The following ANO3 variants were observed in gnomAD, a reference collection of about 807,000 sequenced individuals.
ANO3 encodes anoctamin-3.
Under a neutral mutation model 144.8 loss-of-function variants are expected in ANO3, and 99 were observed. That is an observed-to-expected ratio of 0.68 (90% CI 0.58 to 0.81). The LOEUF (loss-of-function observed/expected upper bound fraction) is 0.81, where lower values mean the gene tolerates loss of function less well. Ranked by LOEUF, ANO3 falls within the 30% of genes least tolerant of loss-of-function variation. The pLI, the probability that ANO3 is intolerant of heterozygous loss-of-function variation, is 0.00. For synonymous variants in ANO3, 414 were observed against 392.6 expected, an observed-to-expected ratio of 1.05 and a Z score of -0.64; for missense variants, 905 against 1,202.2, an observed-to-expected ratio of 0.75 and a Z score of 3.66.
At chr11:26,241,834 T>A (rs1852669736) in intron 1 of ANO3, among the ~76,000 whole-genome samples, 1 of 152,144 alleles carries the variant, frequency 6.6e-6, no homozygotes, top group Admixed American at 6.6e-5. Flanking sequence ...GTAATGAAGC[T>A]AGGTTTCCTA....
chr11:26,225,015 T>A (rs1852228907), intron 1 of ANO3, among the ~76,000 whole-genome samples: 1 of 152,182 alleles, frequency 6.6e-6, no homozygotes. Context: ...TAGTAACAAT[T>A]TTTAAATATT....
At chr11:26,234,404 C>A (rs554125731) in intron 1 of ANO3, among the ~76,000 whole-genome samples, 1 of 152,068 alleles carries the variant, frequency 6.6e-6, no homozygotes, top group Non-Finnish European at 1.5e-5. Flanking sequence ...GCACAAATTG[C>A]GACTTAGACA....
chr11:26,652,280 A>G (rs759845931), intron 24 of ANO3, among the ~76,000 whole-genome samples: 7 of 152,224 alleles, frequency 4.6e-5, no homozygotes, highest in Non-Finnish European at 1.0e-4. Context: ...GAAGTTTGTC[A>G]TAGCTTCTCC....
At chr11:26,645,113 G>A (rs1228020339) in intron 23 of ANO3, among the ~76,000 whole-genome samples, 2 of 151,870 alleles carry the variant, frequency 1.3e-5, no homozygotes, top group Non-Finnish European at 2.9e-5. Context: ...GTATTTGCTT[G>A]TTGTTTGCTG....
chr11:26,228,262 G>C (rs1338369130), intron 1 of ANO3, among the ~76,000 whole-genome samples: 2 of 152,106 alleles, frequency 1.3e-5, no homozygotes, highest in Non-Finnish European at 2.9e-5. Flanking sequence ...TCAAATTCCT[G>C]AACCAAACAC....
At chr11:26,231,186 C>CTTTTTGTA (rs1852390827) in intron 1 of ANO3, among the ~76,000 whole-genome samples, 1 of 152,098 alleles carries the variant, frequency 6.6e-6, no homozygotes, top group Admixed American at 6.6e-5. Flanking sequence ...CTGAAGTTTC[C>CTTTTTGTA]TTTTTGTATT....
intron 20 of ANO3, among the ~76,000 whole-genome samples, chr11:26,635,460 C>T (rs61878640): frequency 0.031 from 4,652 of 152,138 alleles, 100 homozygotes; most frequent in Non-Finnish European, 0.049. Context: ...ATAAAAGTAC[C>T]TGCCTAAGAC....
intron 14 of ANO3, among the ~76,000 whole-genome samples, chr11:26,574,114 A>AT (rs1311064540): frequency 1.1e-4 from 16 of 152,060 alleles, no homozygotes; most frequent in Non-Finnish European, 2.1e-4. Flanking sequence ...TGCTTGTATA[A>AT]TTTTTTTTGG....
intron 3 of ANO3, among the ~76,000 whole-genome samples, chr11:26,461,145 G>T (rs974470308): frequency 6.6e-6 from 1 of 152,166 alleles, no homozygotes; most frequent in African/African-American, 2.4e-5. Context: ...CCTACCGGGG[G>T]AAAGGAAGGA....
At chr11:26,564,329 A>G (rs1301861682) in intron 14 of ANO3, among the ~76,000 whole-genome samples, 1 of 151,628 alleles carries the variant, frequency 6.6e-6, no homozygotes, top group African/African-American at 2.4e-5. Flanking sequence ...ACTGGCAACA[A>G]CATTCAAACA....
chr11:26,211,575 G>A (rs143164863), intron 1 of ANO3, among the ~76,000 whole-genome samples: 1,661 of 152,176 alleles, frequency 0.011, 15 homozygotes, highest in South Asian at 0.018. Flanking sequence ...ATGCTGGAGC[G>A]GATGTGGAGA....
chr11:26,296,597 G>A (rs928135414), intron 1 of ANO3, among the ~76,000 whole-genome samples: 1 of 152,098 alleles, frequency 6.6e-6, no homozygotes, highest in Non-Finnish European at 1.5e-5. Flanking sequence ...TAGGAAAAAA[G>A]GGGGTCAATC....
intron 4 of ANO3, among the ~76,000 whole-genome samples, chr11:26,504,256 A>G (rs1408429836): frequency 1.5e-5 from 1 of 64,748 alleles, no homozygotes; most frequent in Non-Finnish European, 3.2e-5. Flanking sequence ...GGAGAGAATG[A>G]CAAATGACCA....
intron 1 of ANO3, among the ~76,000 whole-genome samples, chr11:26,398,874 T>C (rs1857080725): frequency 1.3e-5 from 2 of 152,014 alleles, no homozygotes; most frequent in African/African-American, 4.8e-5. Flanking sequence ...CATTTACAAA[T>C]TGAAGTGAAC....
At chr11:26,548,883 G>A (rs541412991) in intron 12 of ANO3, among the ~76,000 whole-genome samples, 6 of 150,928 alleles carry the variant, frequency 4.0e-5, no homozygotes, top group Admixed American at 3.3e-4. Context: ...GCATTTCCCC[G>A]TATTCTGTTG....
rs60084120 is a variant in ANO3 at position 26,627,841 on chromosome 11, G to GTGTGTA, written c.1873+3348_1873+3349insATGTGT. Among the ~76,000 whole-genome samples, 909 of 144,118 alleles carry GTGTGTA rather than the reference G, an allele frequency of 6.3e-3. 15 individuals carry two copies. The highest frequency in any genetic ancestry group is 0.011 in the Middle Eastern group (3 of 280). The allele number at this position is 144,118 out of a possible 152,430, so 94.5% of individuals were successfully genotyped here. A position where few individuals can be genotyped will look rare whatever the true frequency, so the allele number is the denominator to read the frequency against. ...TGTGTGTGTGTGTGTGTGTGTGTGT[G>GTGTGTA]TGTGTGTGTGTGTGCGCCTGACATT... On this transcript the variant is annotated intron_variant, in intron 18 of 26. Transcript: ENST00000256737.
At chr11:26,248,953 T>C (rs890534575) in intron 1 of ANO3, among the ~76,000 whole-genome samples, 1 of 152,184 alleles carries the variant, frequency 6.6e-6, no homozygotes, top group Non-Finnish European at 1.5e-5. Flanking sequence ...GTGTACTCCT[T>C]GTGAGAATCT....
intron 1 of ANO3, among the ~76,000 whole-genome samples, chr11:26,395,112 A>C (rs931140042): frequency 6.6e-6 from 1 of 152,116 alleles, no homozygotes. Context: ...ATTTCTAAAC[A>C]GAGGAGATTC....
chr11:26,332,402 T>C, intron 1 of ANO3, 81 bp downstream of exon 1: 1 of 1,401,806 alleles, frequency 7.1e-7, no homozygotes, highest in African/African-American at 1.4e-5. Context: ...GGAGCATCCT[T>C]TGCAGGCTTA....
Sources: gnomAD v4.1 joint callset for allele counts (sites outside exome capture counted in the v4.1 genomes callset) on GRCh38, gnomAD v4.1.1 for gene constraint, MANE v1.5 for transcripts, NCBI Gene and HGNC (gene_info 2026-07-23, HGNC 2026-07-21) for gene names.